Variants in ROR1 observed in about 807,000 individuals in gnomAD.
The protein encoded by ROR1 is inactive tyrosine-protein kinase transmembrane receptor ROR1.
Under a neutral mutation model 78.8 loss-of-function variants are expected in ROR1, and 19 were observed. That is an observed-to-expected ratio of 0.24 (90% CI 0.17 to 0.35). The LOEUF (loss-of-function observed/expected upper bound fraction) is 0.35. Among genes scored for constraint, ROR1 ranks in the 10% least tolerant of loss-of-function variants. The probability of loss-of-function intolerance (pLI) is 1.00; values close to 1 mark genes in which losing one functional copy is unlikely to be tolerated. For synonymous variants in ROR1, 386 were observed against 433.6 expected, an observed-to-expected ratio of 0.89 and a Z score of 1.36; for missense variants, 917 against 1,177.8, an observed-to-expected ratio of 0.78 and a Z score of 3.24.
chr1:63,783,451 C>G (rs1241999031), intron 1 of ROR1, among the ~76,000 whole-genome samples: 3 of 152,140 alleles, frequency 2.0e-5, no homozygotes, highest in Non-Finnish European at 4.4e-5. Context: ...ACACACTGAG[C>G]ATACTGTGGG....
chr1:64,143,196 G>C lies in ROR1; in HGVS notation c.1174+546G>C, dbSNP rs978761078. The C allele has an allele frequency of 2.1e-5, 21 of 989,364 alleles. No individual in the cohort carries two copies. In the African/African-American group the frequency reaches 3.7e-4, roughly 17 times the overall value. 61.3% of individuals were successfully genotyped at this position (989,364 alleles called of 1,614,324 possible). A position where few individuals can be genotyped will look rare whatever the true frequency, so the allele number is the denominator to read the frequency against. On this transcript the variant is annotated intron_variant, in intron 7 of 8. Transcript: ENST00000371079. ...AATGGAATTCCTGAGTCAGTTAACT[G>C]TTCCTTTTTCTAGAAAATGTTTGGA...
chr1:63,837,499 A>G (rs975526879), intron 1 of ROR1, among the ~76,000 whole-genome samples: 2 of 152,194 alleles, frequency 1.3e-5, no homozygotes, highest in Non-Finnish European at 2.9e-5. Context: ...TGACAAAATT[A>G]AATTTGGATA....
chr1:63,850,450 A>G (rs1645107122), intron 1 of ROR1, among the ~76,000 whole-genome samples: 1 of 152,222 alleles, frequency 6.6e-6, no homozygotes, highest in Non-Finnish European at 1.5e-5. Context: ...TTGCTCTCCA[A>G]CGGCCTTATG....
intron 1 of ROR1, among the ~76,000 whole-genome samples, chr1:63,836,565 A>G (rs1645019906): frequency 6.6e-6 from 1 of 152,240 alleles, no homozygotes; most frequent in South Asian, 2.1e-4. Flanking sequence ...ACTAAAGTCC[A>G]GAGGTTATAA....
At chr1:63,823,640 AGG>A (rs981015138) in intron 1 of ROR1, among the ~76,000 whole-genome samples, 143 of 151,822 alleles carry the variant, frequency 9.4e-4, no homozygotes, top group African/African-American at 3.3e-3. Flanking sequence ...TGTGGAGATA[AGG>A]GGGTCTTGCT....
At chr1:63,932,373 A>G (rs1047128651) in intron 1 of ROR1, among the ~76,000 whole-genome samples, 1 of 152,048 alleles carries the variant, frequency 6.6e-6, no homozygotes, top group Non-Finnish European at 1.5e-5. Flanking sequence ...GAAAATGAGG[A>G]AAAAAGGCAG....
chr1:63,865,026 T>C (rs1350290694), intron 1 of ROR1, among the ~76,000 whole-genome samples: 1 of 152,130 alleles, frequency 6.6e-6, no homozygotes, highest in Non-Finnish European at 1.5e-5. Context: ...GTAAAGAATG[T>C]TTCACTATAT....
At chr1:63,846,609 T>G (rs1228394547) in intron 1 of ROR1, among the ~76,000 whole-genome samples, 6 of 152,192 alleles carry the variant, frequency 3.9e-5, no homozygotes, top group African/African-American at 1.4e-4. Context: ...ATTAAAAGCA[T>G]GATCCTTGCT....
intron 1 of ROR1, among the ~76,000 whole-genome samples, chr1:64,003,713 G>T (rs1380438024): frequency 2.6e-5 from 4 of 152,182 alleles, no homozygotes; most frequent in Non-Finnish European, 5.9e-5. Context: ...GGGGAATGTA[G>T]CCTGCCTGTC....
rs1174390070 is a variant in ROR1 at position 64,181,088 on chromosome 1, G to C, written c.*2233G>C. On this transcript the variant is annotated 3_prime_UTR_variant, in exon 9 of 9. Coordinates refer to ENST00000371079, the MANE Select transcript of ROR1 (RefSeq NM_005012.4). ...AAATATCTTTTCCTTTGTTGACAAT[G>C]TTTTGTAAGATGACTTTATTTTCAG... The C allele has an allele frequency of 6.6e-6, 1 of 151,928 alleles. No individual in the cohort carries two copies. Among genetic ancestry groups the C allele is most frequent in the African/African-American group, 2.4e-5 (1 of 41,390 alleles). The allele number at this position is 151,928 out of a possible 1,614,324, so 9.4% of individuals were successfully genotyped here.
chr1:63,902,109 A>G (rs1027223663), intron 1 of ROR1, among the ~76,000 whole-genome samples: 1 of 152,164 alleles, frequency 6.6e-6, no homozygotes, highest in African/African-American at 2.4e-5. Context: ...TTTTTTGAAT[A>G]TATTCAGTTT....
chr1:63,939,652 C>T (rs992202646), intron 1 of ROR1, among the ~76,000 whole-genome samples: 3 of 152,082 alleles, frequency 2.0e-5, no homozygotes, highest in African/African-American at 7.2e-5. Context: ...TGTGTTACCT[C>T]GAATAGGGAA....
chr1:64,159,055 G>C lies in ROR1; in HGVS notation c.1249G>C (p.Ala417Pro). 1 of 1,614,122 alleles carries C rather than the reference G, an allele frequency of 6.2e-7. No individual in the cohort carries two copies. The highest frequency in any genetic ancestry group is 8.5e-7 in the Non-Finnish European group (1 of 1,180,010). Residue 417 changes from alanine (A) to proline (P), a missense_variant, in exon 8 of 9, where the codon GCC becomes CCC. By Grantham distance (27) the Ala-to-Pro change is conservative (BLOSUM62 -1). This residue lies in a region of ROR1 where 835 missense variants were observed against 1,069.8 expected (regional missense o/e 0.78). Coordinates refer to ENST00000371079, the MANE Select transcript of ROR1 (RefSeq NM_005012.4). Reference sequence around the variant, plus strand: ...AGTGCCAAGTGTGGCCATTCCCCTGGCCATTGCTTTACTCTTCTTCTTCAT... The same window carrying C: ...AGTGCCAAGTGTGGCCATTCCCCTGCCCATTGCTTTACTCTTCTTCTTCAT... ...ILVPSVAIPL[A>P]IALLFFFICV...
intron 4 of ROR1, among the ~76,000 whole-genome samples, chr1:64,080,728 C>T (rs187490973): frequency 1.5e-3 from 227 of 152,272 alleles, no homozygotes; most frequent in Non-Finnish European, 2.9e-3. Flanking sequence ...GCCAAGAGTA[C>T]GGATGGAGGA....
At chr1:63,797,704 T>C (rs1464616936) in intron 1 of ROR1, among the ~76,000 whole-genome samples, 1 of 152,202 alleles carries the variant, frequency 6.6e-6, no homozygotes, top group African/African-American at 2.4e-5. Context: ...GAGGGCTATA[T>C]ATATCTTTAA....
At chr1:63,824,420 C>CT (rs533946180) in intron 1 of ROR1, among the ~76,000 whole-genome samples, 21 of 151,474 alleles carry the variant, frequency 1.4e-4, no homozygotes, top group African/African-American at 3.9e-4. Flanking sequence ...TATTATTTGT[C>CT]TTTTTTTTTC....
intron 1 of ROR1, among the ~76,000 whole-genome samples, chr1:63,925,644 T>G (rs1645696688): frequency 6.6e-6 from 1 of 151,340 alleles, no homozygotes; most frequent in East Asian, 1.9e-4. Flanking sequence ...TGTAAAAGTT[T>G]TCCTATTTCT....
intron 1 of ROR1, among the ~76,000 whole-genome samples, chr1:63,952,008 G>T (rs1645944161): frequency 6.6e-6 from 1 of 152,150 alleles, no homozygotes; most frequent in Non-Finnish European, 1.5e-5. Flanking sequence ...TGTCCTAGTG[G>T]AGCATCCATT....
chr1:63,889,619 A>G (rs1046838026), intron 1 of ROR1, among the ~76,000 whole-genome samples: 5 of 152,180 alleles, frequency 3.3e-5, no homozygotes, highest in African/African-American at 1.2e-4. Context: ...CTATCTTTAT[A>G]TAGTTAGTAT....
Sources: allele counts gnomAD v4.1 joint callset (sites outside exome capture counted in the v4.1 genomes callset), GRCh38; gene constraint gnomAD v4.1.1; regional missense constraint gnomAD v4.1.1; transcripts MANE v1.5; gene names NCBI Gene and HGNC (gene_info 2026-07-23, HGNC 2026-07-21).